The following ACOT13 variants were observed in gnomAD, a reference collection of about 807,000 sequenced individuals.
The protein encoded by ACOT13 is acyl-CoA thioesterase 13, also known as acyl-coenzyme A thioesterase 13.
In ACOT13, 10 loss-of-function variants were observed where a neutral mutation model predicts 11.8. That is an observed-to-expected ratio of 0.85 (90% confidence interval 0.53 to 1.44). The LOEUF (loss-of-function observed/expected upper bound fraction) is 1.44. Ranked by LOEUF, ACOT13 falls within the 40% of genes most tolerant of loss-of-function variation. The probability of loss-of-function intolerance (pLI) is 0.00; values close to 1 mark genes in which losing one functional copy is unlikely to be tolerated. For synonymous variants in ACOT13, 53 were observed against 61.0 expected (o/e 0.87, Z 0.61); for missense variants, 172 against 174.1 (o/e 0.99, Z 0.07).
At chr6:24,687,339 C>A in intron 1 of ACOT13, 1 of 782,674 alleles carries the variant, frequency 1.3e-6, no homozygotes, top group Non-Finnish European at 1.6e-6. Context: ...AGTAGTTCTG[C>A]AGTAAATAAA....
At chr6:24,672,451 C>T (rs1778379883) in intron 1 of ACOT13, among the ~76,000 whole-genome samples, 1 of 152,126 alleles carries the variant, frequency 6.6e-6, no homozygotes, top group African/African-American at 2.4e-5. Flanking sequence ...CCATCCTGGC[C>T]AACATGGTGA....
intron 1 of ACOT13, among the ~76,000 whole-genome samples, chr6:24,671,975 C>T (rs1239965178): frequency 6.6e-6 from 1 of 152,206 alleles, no homozygotes; most frequent in East Asian, 1.9e-4. Flanking sequence ...TTTGACAATG[C>T]TTCCTGTGTA....
At chr6:24,671,172 T>C (rs544466652) in intron 1 of ACOT13, among the ~76,000 whole-genome samples, 73 of 152,294 alleles carry the variant, frequency 4.8e-4, no homozygotes, top group Middle Eastern at 3.4e-3. Flanking sequence ...TGTATGTTTA[T>C]TGCAGCACTA....
Position 24,703,337 on chromosome 6 carries a change from A to G in ACOT13, c.*1722A>G, listed in dbSNP as rs1474387853. On this transcript the variant is annotated 3_prime_UTR_variant, in exon 3 of 3. Transcript: ENST00000230048. The stretch of plus-strand genomic sequence containing the variant: ...GATCTGTCCACTGTGAAAGGGCAGA[A>G]GACTCCACAGTAGCAATAGCAGCAG... 6.6e-6 allele frequency: 1 copy of G among 152,258 alleles called. No individual in the cohort carries two copies. The highest frequency in any genetic ancestry group is 1.9e-4 in the East Asian group (1 of 5,196). The allele number at this position is 152,258 out of a possible 1,614,324, so 9.4% of individuals were successfully genotyped here.
At chr6:24,676,207 A>G (rs547008571) in intron 1 of ACOT13, among the ~76,000 whole-genome samples, 11 of 152,236 alleles carry the variant, frequency 7.2e-5, no homozygotes, top group East Asian at 5.8e-4. Flanking sequence ...TTGGCAATGC[A>G]GGCTCTTTTT....
chr6:24,671,435 G>A (rs1778363496), intron 1 of ACOT13, among the ~76,000 whole-genome samples: 1 of 151,662 alleles, frequency 6.6e-6, no homozygotes, highest in Non-Finnish European at 1.5e-5. Flanking sequence ...ACACAGGGCA[G>A]GGAACATCAC....
intron 1 of ACOT13, among the ~76,000 whole-genome samples, chr6:24,684,733 A>G (rs1778603617): frequency 6.6e-6 from 1 of 152,272 alleles, no homozygotes; most frequent in Non-Finnish European, 1.5e-5. Context: ...AGTGTTAATC[A>G]GGCAGACATG....
At chr6:24,695,876 G>A (rs1400573089) in intron 1 of ACOT13, among the ~76,000 whole-genome samples, 1 of 152,124 alleles carries the variant, frequency 6.6e-6, no homozygotes, top group African/African-American at 2.4e-5. Context: ...AGACCAGCAT[G>A]GTGAAACCTC....
chr6:24,697,811 GTTC>G (rs1316862601), intron 1 of ACOT13, 69 bp from the exon 2 acceptor site: 10 of 1,300,210 alleles, frequency 7.7e-6, no homozygotes, highest in African/African-American at 6.0e-5. Context: ...TCAATCCATT[GTTC>G]TTCATGGGCT....
intron 2 of ACOT13, among the ~76,000 whole-genome samples, chr6:24,700,425 C>CTTTTTTTTTTTTTTTT (rs34173572): frequency 9.5e-6 from 1 of 105,140 alleles, no homozygotes; most frequent in African/African-American, 4.0e-5. Context: ...TAAGATCCAC[C>CTTTTTTTTTTTTTTTT]TTTTTTTTTT....
intron 1 of ACOT13, among the ~76,000 whole-genome samples, chr6:24,682,821 C>A (rs1314405585): frequency 6.6e-6 from 1 of 152,202 alleles, no homozygotes; most frequent in African/African-American, 2.4e-5. Flanking sequence ...AACAGAGCTC[C>A]CACACAAAGA....
intron 1 of ACOT13, among the ~76,000 whole-genome samples, chr6:24,693,642 A>T (rs1778749882): frequency 6.6e-6 from 1 of 151,688 alleles, no homozygotes; most frequent in Non-Finnish European, 1.5e-5. Flanking sequence ...GAAAGGAGAG[A>T]CTCTGTGTCA....
chr6:24,685,596 T>G (rs1190016659), intron 1 of ACOT13, among the ~76,000 whole-genome samples: 1 of 152,164 alleles, frequency 6.6e-6, no homozygotes, highest in Non-Finnish European at 1.5e-5. Context: ...TCCACACGCC[T>G]CAGCCTCCCA....
intron 1 of ACOT13, among the ~76,000 whole-genome samples, chr6:24,676,582 G>C (rs1389743922): frequency 6.6e-6 from 1 of 152,182 alleles, no homozygotes; most frequent in Non-Finnish European, 1.5e-5. Context: ...TGTATCCTGA[G>C]ACTTTGCTGA....
Position 24,704,014 on chromosome 6 carries a change from C to T in ACOT13, c.*2399C>T, listed in dbSNP as rs1418095611. 1 of 152,110 alleles carries T rather than the reference C, an allele frequency of 6.6e-6. No homozygotes were observed. Among genetic ancestry groups the T allele is most frequent in the Non-Finnish European group, 1.5e-5 (1 of 68,026 alleles). The allele number at this position is 152,110 out of a possible 1,614,324, so 9.4% of individuals were successfully genotyped here. ...CTGAGAACAACTAAATTCAATGATC[C>T]TGTACTCTAGAGGGGGGGATCTAAA... On this transcript the variant is annotated 3_prime_UTR_variant, in exon 3 of 3. Coordinates refer to ENST00000230048, the MANE Select transcript of ACOT13 (RefSeq NM_018473.4).
chr6:24,678,022 T>A (rs979425444), intron 1 of ACOT13, among the ~76,000 whole-genome samples: 1 of 152,178 alleles, frequency 6.6e-6, no homozygotes, highest in Non-Finnish European at 1.5e-5. Context: ...AGGTTTCTGA[T>A]CGGGTGGCTA....
Position 24,682,869 on chromosome 6 carries a change from C to T in ACOT13, c.82-15014C>T, listed in dbSNP as rs534579114. 9.8e-4 allele frequency among the ~76,000 whole-genome samples: 149 copies of T among 152,354 alleles called. 1 individual carries two copies. Among genetic ancestry groups the T allele is most frequent in the African/African-American group, 3.2e-3 (135 of 41,572 alleles). Reference sequence around the variant, plus strand: ...AGAGGGTTGCTGTTGCCAGCTTGAACGCCTGGGTTTGTATCCCGATCCTTG... The same window carrying T: ...AGAGGGTTGCTGTTGCCAGCTTGAATGCCTGGGTTTGTATCCCGATCCTTG... On this transcript the variant is annotated intron_variant, in intron 1 of 2. Coordinates refer to ENST00000230048, the MANE Select transcript of ACOT13 (RefSeq NM_018473.4).
intron 1 of ACOT13, among the ~76,000 whole-genome samples, chr6:24,695,052 T>C (rs1778773284): frequency 2.6e-5 from 4 of 152,210 alleles, no homozygotes; most frequent in Non-Finnish European, 5.9e-5. Flanking sequence ...CTCATGCCTG[T>C]AATCCCAGCA....
At chr6:24,698,149 G>A in intron 2 of ACOT13, 82 bp downstream of exon 2, 1 of 1,230,988 alleles carries the variant, frequency 8.1e-7, no homozygotes, top group Non-Finnish European at 1.1e-6. Context: ...TATATTATTA[G>A]TAACGCATGA....
Sources: allele counts gnomAD v4.1 joint callset (sites outside exome capture counted in the v4.1 genomes callset), GRCh38; gene constraint gnomAD v4.1.1; transcripts MANE v1.5; gene names NCBI Gene and HGNC (gene_info 2026-07-23, HGNC 2026-07-21).